Variants in CPED1 observed in about 807,000 individuals in gnomAD.
The protein encoded by CPED1 is cadherin-like and PC-esterase domain-containing protein 1.
Under a neutral mutation model 128.2 loss-of-function variants are expected in CPED1, and 114 were observed. The observed-to-expected ratio is 0.89, with a 90% confidence interval of 0.76 to 1.04. The LOEUF (loss-of-function observed/expected upper bound fraction) is 1.04. Ranked by LOEUF, CPED1 falls within the 50% of genes least tolerant of loss-of-function variation. The pLI is 0.00. For synonymous variants in CPED1, 462 were observed against 426.7 expected (o/e 1.08, Z -1.02); for missense variants, 1,211 against 1,207.1 (o/e 1.00, Z -0.05).
At chr7:121,260,926 T>A (rs1792003018) in intron 18 of CPED1, among the ~76,000 whole-genome samples, 1 of 152,108 alleles carries the variant, frequency 6.6e-6, no homozygotes, top group African/African-American at 2.4e-5. Context: ...TTTCTTTTCT[T>A]ATCTATTAAT....
At position 120,999,408 on chromosome 7, in the gene CPED1, A is replaced by C. The variant is rs369797764; in HGVS notation, c.249+9538A>C. On this transcript the variant is annotated intron_variant, in intron 2 of 22. Transcript: ENST00000310396. The stretch of plus-strand genomic sequence containing the variant: ...ATTCTCAAGTATCTACCATAATAAT[A>C]ATAAAAATAACATCCTTTCCTAATC... 1.1e-4 allele frequency among the ~76,000 whole-genome samples: 17 copies of C among 152,262 alleles called. No homozygotes were observed. The East Asian group carries it at 1.3e-3, about 12-fold the overall frequency.
intron 3 of CPED1, among the ~76,000 whole-genome samples, chr7:121,039,584 T>C (rs1792992249): frequency 6.6e-6 from 1 of 152,044 alleles, no homozygotes; most frequent in East Asian, 1.9e-4. Context: ...TTTAGAAATT[T>C]CGTAAAATGC....
chr7:121,040,249 G>T (rs745994802), intron 3 of CPED1, among the ~76,000 whole-genome samples: 2 of 152,070 alleles, frequency 1.3e-5, no homozygotes, highest in Non-Finnish European at 2.9e-5. Flanking sequence ...CCGTACATAC[G>T]ATTTCTCTTA....
At chr7:121,055,302 T>C (rs1793465825) in intron 4 of CPED1, among the ~76,000 whole-genome samples, 1 of 152,124 alleles carries the variant, frequency 6.6e-6, no homozygotes, top group Non-Finnish European at 1.5e-5. Context: ...TTTAAGAAGC[T>C]GCCCAACGTT....
chr7:121,108,327 C>G (rs1795027932), intron 7 of CPED1, among the ~76,000 whole-genome samples: 1 of 152,126 alleles, frequency 6.6e-6, no homozygotes, highest in East Asian at 1.9e-4. Flanking sequence ...TTTAAATTAC[C>G]TAGGCCACAC....
At chr7:121,000,394 A>C (rs1020912183) in intron 2 of CPED1, among the ~76,000 whole-genome samples, 4 of 152,164 alleles carry the variant, frequency 2.6e-5, no homozygotes, top group Non-Finnish European at 5.9e-5. Context: ...ACAATAAAAG[A>C]CTGAGTCGGC....
chr7:121,227,242 C>G (rs1393217672), intron 16 of CPED1, among the ~76,000 whole-genome samples: 1 of 151,938 alleles, frequency 6.6e-6, no homozygotes, highest in African/African-American at 2.4e-5. Flanking sequence ...CAGCTGGGCC[C>G]CACACCTACA....
At chr7:120,994,113 G>C (rs1352487049) in intron 2 of CPED1, 2 of 155,052 alleles carry the variant, frequency 1.3e-5, no homozygotes, top group Non-Finnish European at 2.9e-5. Flanking sequence ...GGTAGATGAG[G>C]CAATGTGGCC....
At chr7:121,289,902 A>G (rs1029993758) in intron 22 of CPED1, among the ~76,000 whole-genome samples, 1 of 152,152 alleles carries the variant, frequency 6.6e-6, no homozygotes, top group African/African-American at 2.4e-5. Context: ...GGTTTGCTGC[A>G]TCCATCAACC....
chr7:121,206,958 A>T (rs569131272), intron 16 of CPED1, among the ~76,000 whole-genome samples: 20 of 152,026 alleles, frequency 1.3e-4, no homozygotes, highest in African/African-American at 4.8e-4. Flanking sequence ...TTATATACAC[A>T]CCTGCATACA....
chr7:121,142,392 A>C (rs188847635), intron 16 of CPED1, among the ~76,000 whole-genome samples: 2 of 152,106 alleles, frequency 1.3e-5, no homozygotes, highest in Non-Finnish European at 1.5e-5. Context: ...TGTTCAAAAA[A>C]AATGTCTGAG....
At position 121,244,141 on chromosome 7, in the gene CPED1, A is replaced by C. The variant is rs1019281139; in HGVS notation, c.2174-61A>C. Reference sequence around the variant, plus strand: ...ATGGTGTGCCATAGCTGAATTTTAAAGTTACTTACAAACTTCACCAGCAGA... The same window carrying C: ...ATGGTGTGCCATAGCTGAATTTTAACGTTACTTACAAACTTCACCAGCAGA... On this transcript the variant is annotated intron_variant, in intron 17 of 22. Transcript: ENST00000310396. 9 of 1,602,478 alleles carry C rather than the reference A, an allele frequency of 5.6e-6. 1 individual carries two copies. Among genetic ancestry groups the C allele is most frequent in the Non-Finnish European group, 7.7e-6 (9 of 1,169,774 alleles).
chr7:121,120,272 A>G (rs1462233678), intron 7 of CPED1, among the ~76,000 whole-genome samples: 1 of 152,206 alleles, frequency 6.6e-6, no homozygotes. Context: ...CCATCAAAGC[A>G]CAAGGATTCC....
At chr7:121,086,549 T>C (rs979648454) in intron 5 of CPED1, among the ~76,000 whole-genome samples, 10 of 152,190 alleles carry the variant, frequency 6.6e-5, no homozygotes, top group Non-Finnish European at 1.5e-4. Context: ...TGAAAATCAT[T>C]TGGGCACTAG....
chr7:120,999,295 T>C (rs570833028), intron 2 of CPED1, among the ~76,000 whole-genome samples: 9 of 152,322 alleles, frequency 5.9e-5, no homozygotes, highest in African/African-American at 1.9e-4. Context: ...TACATTAAAG[T>C]TGATTAATTA....
Position 121,057,430 on chromosome 7 carries a change from C to T in CPED1, c.541-6808C>T, listed in dbSNP as rs557960200. On this transcript the variant is annotated intron_variant, in intron 4 of 22. Coordinates refer to ENST00000310396, the MANE Select transcript of CPED1 (RefSeq NM_024913.5). ...CATAGTACCCTTTTTAACCCTTGCCCCCCACTTCTCCTCTGCAAGTCCCCA... is the reference window on the plus strand; with the variant it reads ...CATAGTACCCTTTTTAACCCTTGCCTCCCACTTCTCCTCTGCAAGTCCCCA... Among the ~76,000 whole-genome samples, 6 of 152,180 alleles carry T rather than the reference C, an allele frequency of 3.9e-5. No homozygotes were observed. In the East Asian group the frequency reaches 1.2e-3, roughly 29 times the overall value.
chr7:121,141,829 A>G (rs182124346), intron 15 of CPED1, 144 bp from the exon 16 acceptor site: 4 of 591,042 alleles, frequency 6.8e-6, no homozygotes, highest in Non-Finnish European at 1.1e-5. Context: ...TTATTTTCAT[A>G]GTTTAGGTTT....
chr7:121,248,717 C>T (rs1798598992), intron 18 of CPED1, among the ~76,000 whole-genome samples: 1 of 151,198 alleles, frequency 6.6e-6, no homozygotes. Context: ...TTTAAAGGAA[C>T]ACTAACTCTC....
At chr7:121,006,629 G>T (rs546300242) in intron 2 of CPED1, among the ~76,000 whole-genome samples, 1 of 151,732 alleles carries the variant, frequency 6.6e-6, no homozygotes, top group Non-Finnish European at 1.5e-5. Flanking sequence ...AAAAAAAAAA[G>T]GTGAACTACG....
Sources: gnomAD v4.1 joint callset for allele counts (sites outside exome capture counted in the v4.1 genomes callset) on GRCh38, gnomAD v4.1.1 for gene constraint, MANE v1.5 for transcripts, NCBI Gene and HGNC (gene_info 2026-07-23, HGNC 2026-07-21) for gene names.